The following ERG variants were observed in gnomAD, a reference collection of about 807,000 sequenced individuals.
ERG encodes transcriptional regulator ERG.
In ERG, 9 loss-of-function variants were observed where a neutral mutation model predicts 55.3. That is an observed-to-expected ratio of 0.16 (90% CI 0.10 to 0.28). ERG has a LOEUF of 0.28. ERG is among the 10% of genes least tolerant of loss of function. The pLI is 1.00. For missense variants in ERG, 434 were observed against 631.6 expected (o/e 0.69, Z 3.35); for synonymous variants, 223 against 237.3 (o/e 0.94, Z 0.55).
At chr21:38,453,197 G>C (rs1420269826) in intron 1 of ERG, among the ~76,000 whole-genome samples, 1 of 152,190 alleles carries the variant, frequency 6.6e-6, no homozygotes, top group African/African-American at 2.4e-5. Flanking sequence ...ATCCACATAG[G>C]CTTAAATAGG....
intron 2 of ERG, among the ~76,000 whole-genome samples, chr21:38,520,012 C>T (rs1220014859): frequency 1.4e-5 from 2 of 144,824 alleles, no homozygotes; most frequent in Admixed American, 1.4e-4. Context: ...CATACAGACA[C>T]ACACACATAC....
chr21:38,522,750 C>A (rs1242598459), intron 2 of ERG, among the ~76,000 whole-genome samples: 1 of 152,112 alleles, frequency 6.6e-6, no homozygotes, highest in Non-Finnish European at 1.5e-5. Flanking sequence ...AAATCAATTT[C>A]AGATTAGATA....
rs934396682 is a variant in ERG, at chr21:38,563,861, C to T, written c.-41+11801G>A. Among the ~76,000 whole-genome samples, 7 of 152,234 alleles carry T rather than the reference C, an allele frequency of 4.6e-5. No homozygotes were observed. The South Asian group carries it at 6.2e-4, about 14-fold the overall frequency. On this transcript the variant is annotated intron_variant, in intron 2 of 8. Coordinates refer to the ERG transcript ENST00000398897. ...GGCAAGGAGACAAATAGCAAGGATC[C>T]GAGGACAGAGAGGCAAAATTCAGAA...
At chr21:38,392,029 G>A (rs1020544886) in intron 7 of ERG, among the ~76,000 whole-genome samples, 3 of 151,676 alleles carry the variant, frequency 2.0e-5, no homozygotes, top group African/African-American at 4.8e-5. Context: ...AACACATAAA[G>A]GGAAACCACC....
chr21:38,405,576 C>A (rs1448225376), intron 3 of ERG, among the ~76,000 whole-genome samples: 1 of 152,112 alleles, frequency 6.6e-6, no homozygotes, highest in African/African-American at 2.4e-5. Flanking sequence ...TAATGAGCAG[C>A]CAAGGTTCAG....
intron 1 of ERG, among the ~76,000 whole-genome samples, chr21:38,477,006 CCT>C (rs1491279367): frequency 8.5e-6 from 1 of 117,150 alleles, no homozygotes; most frequent in Non-Finnish European, 1.8e-5. Context: ...TTCTTTCTTT[CCT>C]TTTTTTTTTT....
chr21:38,630,745 C>T (rs1237282764), intron 1 of ERG, among the ~76,000 whole-genome samples: 2 of 152,212 alleles, frequency 1.3e-5, no homozygotes, highest in South Asian at 2.1e-4. Flanking sequence ...CAGGACTGCA[C>T]ACCTTTATGT....
chr21:38,653,937 C>T lies in ERG; in HGVS notation c.-150+7721G>A, dbSNP rs556809530. On this transcript the variant is annotated intron_variant, in intron 1 of 10. Transcript: ENST00000398910. ...AAAAAGTTTATATTGATGCTAAATG[C>T]ATTTACAAATGTGCTCGTAATGTAC... Among the ~76,000 whole-genome samples, 111 of 152,342 alleles carry T rather than the reference C, an allele frequency of 7.3e-4. 1 individual carries two copies. The highest frequency in any genetic ancestry group is 2.5e-3 in the African/African-American group (102 of 41,580).
intron 1 of ERG, among the ~76,000 whole-genome samples, chr21:38,648,062 G>A (rs977217852): frequency 2.0e-5 from 3 of 152,170 alleles, no homozygotes; most frequent in African/African-American, 7.2e-5. Flanking sequence ...TTACAAATAG[G>A]CTTGTGCATT....
chr21:38,573,528 G>A (rs950934020), intron 2 of ERG, among the ~76,000 whole-genome samples: 7 of 152,168 alleles, frequency 4.6e-5, no homozygotes, highest in Non-Finnish European at 1.0e-4. Flanking sequence ...TGAGATGTTT[G>A]GGTGGAGAGA....
intron 2 of ERG, among the ~76,000 whole-genome samples, chr21:38,520,421 A>G (rs1424843613): frequency 1.3e-5 from 2 of 152,216 alleles, no homozygotes; most frequent in African/African-American, 4.8e-5. Context: ...GGGGCATCCG[A>G]GGAACAGACA....
intron 1 of ERG, among the ~76,000 whole-genome samples, chr21:38,634,766 T>C (rs1002973293): frequency 2.6e-5 from 4 of 152,212 alleles, no homozygotes; most frequent in African/African-American, 9.7e-5. Flanking sequence ...TGATGATCCA[T>C]TTTTAGAATC....
intron 1 of ERG, among the ~76,000 whole-genome samples, chr21:38,487,141 A>G (rs1402709822): frequency 2.3e-5 from 1 of 43,074 alleles, no homozygotes; most frequent in Admixed American, 3.7e-4. Flanking sequence ...TTTTTTCACT[A>G]TCCTGGAAAA....
intron 6 of ERG, 32 bp downstream of exon 6, chr21:38,400,542 A>G (rs1468759185): frequency 2.0e-6 from 3 of 1,533,064 alleles, no homozygotes; most frequent in Non-Finnish European, 2.7e-6. Flanking sequence ...GATGTCTCTC[A>G]ATGAAGAGAT....
At chr21:38,556,853 A>G (rs2059861605) in intron 2 of ERG, among the ~76,000 whole-genome samples, 1 of 152,180 alleles carries the variant, frequency 6.6e-6, no homozygotes, top group Non-Finnish European at 1.5e-5. Context: ...AGTGAGAAAT[A>G]AACTTTGTTT....
At chr21:38,506,454 C>T (rs780248316) in intron 2 of ERG, among the ~76,000 whole-genome samples, 16 of 151,978 alleles carry the variant, frequency 1.1e-4, no homozygotes, top group Admixed American at 2.0e-4. Context: ...TCAAAAAAAA[C>T]GTGTAGTATT....
intron 2 of ERG, among the ~76,000 whole-genome samples, chr21:38,547,412 C>T (rs968594113): frequency 6.6e-6 from 1 of 152,066 alleles, no homozygotes; most frequent in African/African-American, 2.4e-5. Context: ...CATCAACTCA[C>T]CAAAATGAAG....
intron 2 of ERG, among the ~76,000 whole-genome samples, chr21:38,560,304 T>C (rs1174236442): frequency 6.6e-6 from 1 of 152,116 alleles, no homozygotes; most frequent in Non-Finnish European, 1.5e-5. Context: ...GGTGTCCCAC[T>C]AGGATCTCCC....
chr21:38,566,816 G>A (rs1168618534), intron 2 of ERG, among the ~76,000 whole-genome samples: 2 of 152,184 alleles, frequency 1.3e-5, no homozygotes, highest in African/African-American at 2.4e-5. Flanking sequence ...AAACACTTCA[G>A]GTGCTTGAAC....
Sources: gnomAD v4.1 joint callset for allele counts (sites outside exome capture counted in the v4.1 genomes callset) on GRCh38, gnomAD v4.1.1 for gene constraint, MANE v1.5 for transcripts, NCBI Gene and HGNC (gene_info 2026-07-23, HGNC 2026-07-21) for gene names.